Variants in KRT4 observed in about 807,000 individuals in gnomAD.
KRT4 encodes the protein keratin 4.
KRT4 carries 47 observed loss-of-function variants against 50.6 expected under a neutral mutation model. That is an observed-to-expected ratio of 0.93 (90% confidence interval 0.73 to 1.18). The LOEUF is 1.18. Among genes scored for constraint, KRT4 ranks in the 50% most tolerant of loss-of-function variants. The pLI, the probability that KRT4 is intolerant of heterozygous loss-of-function variation, is 0.00. For missense variants in KRT4, 651 were observed against 645.7 expected (o/e 1.01, Z -0.09); for synonymous variants, 254 against 251.2 (o/e 1.01, Z -0.10).
Position 52,807,187 on chromosome 12 carries a change from A to G in KRT4, c.1445T>C (p.Phe482Ser), listed in dbSNP as rs1344885483. ...GGAGCCAAAGCCACTACTCAGGCCA[A>G]ACCCGGAGCCACTTCCTAATCCTCC... Reference protein sequence around the residue: ...ISGGLGSGSGFGLSSGFGSGS... With the variant: ...ISGGLGSGSGSGLSSGFGSGS... The change falls in exon 9 of 9, where the codon TTT (phenylalanine) becomes TCT (serine). Residue 482 changes from phenylalanine (F) to serine (S), a missense_variant. Transcript: ENST00000551956. 6.2e-7 allele frequency: 1 copy of G among 1,614,026 alleles called. No individual in the cohort carries two copies. Among genetic ancestry groups the G allele is most frequent in the African/African-American group, 1.3e-5 (1 of 74,912 alleles).
intron 7 of KRT4, 121 bp from the exon 8 acceptor site, chr12:52,807,514 A>G: frequency 6.7e-7 from 1 of 1,483,258 alleles, no homozygotes; most frequent in African/African-American, 1.4e-5. Flanking sequence ...GTGTGAACCT[A>G]TTAGCTGAGC....
At chr12:52,810,871 T>C in intron 2 of KRT4, 55 bp from the exon 3 acceptor site, 2 of 1,403,810 alleles carry the variant, frequency 1.4e-6, no homozygotes, top group South Asian at 2.3e-5. Flanking sequence ...CTGGTGTTTC[T>C]CAGATCTCTG....
rs758553006 is a variant in KRT4, at chr12:52,813,997, A to G, written c.62T>C (p.Ile21Thr). The change falls in exon 1 of 9, where the codon ATT becomes ACT. Residue 21 changes from isoleucine to threonine, a missense_variant. Physicochemically the swap from Ile to Thr is moderately conservative, Grantham distance 89. Coordinates refer to ENST00000551956, the MANE Select transcript of KRT4 (RefSeq NM_002272.4). ...GGCACCTCTCTTGCCACCGCCTACA[A>G]TGGCCGAGCCACAGCTGAAGCCCCG... The part of the protein sequence containing the change: ...GPRGFSCGSA[I>T]VGGGKRGAFS... 7.4e-6 allele frequency: 12 copies of G among 1,613,882 alleles called. No homozygotes were observed. The highest frequency in any genetic ancestry group is 1.1e-5 in the South Asian group (1 of 91,068).
Position 52,810,747 on chromosome 12 carries a change from G to T in KRT4, c.738+9C>A. Reference sequence around the variant, plus strand: ...CTGAAGGCACTCCCTACCATCCTTCGTCTCTTACCTTCTTTAGGACCACAA... The same window carrying T: ...CTGAAGGCACTCCCTACCATCCTTCTTCTCTTACCTTCTTTAGGACCACAA... On this transcript the variant is annotated intron_variant, in intron 3 of 8. Transcript: ENST00000551956. The T allele has an allele frequency of 1.2e-6, 2 of 1,613,194 alleles. No homozygotes were observed.
In KRT4 at chr12:52,806,972, G is replaced by A. The variant is rs1216704639; in HGVS notation, c.*97C>T. On this transcript the variant is annotated 3_prime_UTR_variant, in exon 9 of 9. Coordinates refer to ENST00000551956, the MANE Select transcript of KRT4 (RefSeq NM_002272.4). ...AGTGGAGGGGATACTAGTAAGATGA[G>A]CCCCAGAGACAGAGGATGGAGGTGA... 3 of 1,178,594 alleles carry A rather than the reference G, an allele frequency of 2.5e-6. No homozygotes were observed. The East Asian group carries it at 7.1e-5, about 28-fold the overall frequency. 73.0% of individuals were successfully genotyped at this position (1,178,594 alleles called of 1,614,324 possible).
rs1455116837 is a variant in KRT4, at chr12:52,807,868, T to C, written c.1126-4A>G. 2.5e-6 allele frequency: 4 copies of C among 1,613,066 alleles called. No homozygotes were observed. In the Admixed American group the frequency reaches 6.7e-5, roughly 27 times the overall value. On this transcript the variant is annotated splice_region_variant and splice_polypyrimidine_tract_variant and intron_variant, in intron 6 of 8. Coordinates refer to ENST00000551956, the MANE Select transcript of KRT4 (RefSeq NM_002272.4). The stretch of plus-strand genomic sequence containing the variant: ...CGGATACCTGAAGAGTCTGGCACTA[T>C]TGACAAAGGCATTAGATAGGTGGTC...
rs1257401605 is a variant in KRT4 at position 52,806,831 on chromosome 12, T to C, written c.*238A>G. The C allele has an allele frequency of 6.8e-6, 4 of 589,844 alleles. No individual in the cohort carries two copies. The highest frequency in any genetic ancestry group is 5.6e-5 in the African/African-American group (3 of 53,994). The allele number at this position is 589,844 out of a possible 1,614,324, so 36.5% of individuals were successfully genotyped here. A position where few individuals can be genotyped will look rare whatever the true frequency, so the allele number is the denominator to read the frequency against. Reference sequence around the variant, plus strand: ...GGAGGTGAGAGGTCAGCTGACATCCTTCCCATTCCAGGTGGGTCACCAGGC... The same window carrying C: ...GGAGGTGAGAGGTCAGCTGACATCCCTCCCATTCCAGGTGGGTCACCAGGC... On this transcript the variant is annotated 3_prime_UTR_variant, in exon 9 of 9. Transcript: ENST00000551956.
At position 52,808,847 on chromosome 12, in the gene KRT4, G is replaced by C. The variant is rs761675127; in HGVS notation, c.838C>G (p.Leu280Val). The change falls in exon 5 of 9, where the codon CTG becomes GTG. Residue 280 changes from leucine (L) to valine (V), a missense_variant. Physicochemically the swap from Leu to Val is conservative, Grantham distance 32 (BLOSUM62 1). Coordinates refer to ENST00000551956, the MANE Select transcript of KRT4 (RefSeq NM_002272.4). ...NFLKVLYDAE[L>V]SQMQTHVSDT... Reference sequence around the variant, plus strand: ...CTGACATGGGTCTGCATCTGGGACAGCTCCTGCAGGGCAAATGTCTCACAT... The same window carrying C: ...CTGACATGGGTCTGCATCTGGGACACCTCCTGCAGGGCAAATGTCTCACAT... 1.9e-6 allele frequency: 3 copies of C among 1,614,104 alleles called. No homozygotes were observed. Among genetic ancestry groups the C allele is most frequent in the Non-Finnish European group, 2.5e-6 (3 of 1,179,924 alleles).
rs756556156 is a variant in KRT4 at position 52,808,338 on chromosome 12, T to A, written c.1081A>T (p.Met361Leu). Residue 361 changes from methionine (M) to leucine (L), a missense_variant, in exon 6 of 9, where the codon ATG becomes TTG. By Grantham distance (15) the Met-to-Leu change is conservative. Coordinates refer to ENST00000551956, the MANE Select transcript of KRT4 (RefSeq NM_002272.4). ...ATCTCTGCCCGCAGCCTCTGGATCA[T>A]CCTGTTGAGCTCTGCAATTTCACTC... ...TKSEIAELNR[M>L]IQRLRAEIEN... 1 of 1,614,102 alleles carries A rather than the reference T, an allele frequency of 6.2e-7. No individual in the cohort carries two copies. Among genetic ancestry groups the A allele is most frequent in the Non-Finnish European group, 8.5e-7 (1 of 1,180,018 alleles).
In KRT4 at chr12:52,807,669, T is replaced by C. The variant is rs1175646615; in HGVS notation, c.1321A>G (p.Lys441Glu). The part of the protein sequence containing the change: ...ALDIEIATYR[K>E]LLEGEEYRMS... Reference sequence around the variant, plus strand: ...CTGTACTCCTCGCCCTCCAGCAGTTTGCGGTAGGTGGCGATCTCGATGTCC... The same window carrying C: ...CTGTACTCCTCGCCCTCCAGCAGTTCGCGGTAGGTGGCGATCTCGATGTCC... The change falls in exon 7 of 9, where the codon AAA (lysine) becomes GAA (glutamate). Residue 441 changes from lysine to glutamate, a missense_variant. Physicochemically the swap from Lys to Glu is moderately conservative, Grantham distance 56. Transcript: ENST00000551956. 6.2e-7 allele frequency: 1 copy of C among 1,614,030 alleles called. No homozygotes were observed. Among genetic ancestry groups the C allele is most frequent in the South Asian group, 1.1e-5 (1 of 91,064 alleles).
rs750344195 is a variant in KRT4, at chr12:52,808,864, G to A, written c.835-14C>T. 6 of 1,613,890 alleles carry A rather than the reference G, an allele frequency of 3.7e-6. No homozygotes were observed. Among genetic ancestry groups the A allele is most frequent in the Middle Eastern group, 3.3e-4 (2 of 6,080 alleles). On this transcript the variant is annotated splice_polypyrimidine_tract_variant and intron_variant, in intron 4 of 8. Coordinates refer to ENST00000551956, the MANE Select transcript of KRT4 (RefSeq NM_002272.4). ...CTGGGACAGCTCCTGCAGGGCAAAT[G>A]TCTCACATCAGCCCCCCCAGGAAAG...
At chr12:52,812,538 C>G (rs1939930880) in intron 1 of KRT4, among the ~76,000 whole-genome samples, 1 of 152,160 alleles carries the variant, frequency 6.6e-6, no homozygotes, top group Non-Finnish European at 1.5e-5. Context: ...CTTTCCCTCT[C>G]TCTATGAAAA....
At position 52,807,195 on chromosome 12, in the gene KRT4, G is replaced by A. The variant is rs377486100; in HGVS notation, c.1437C>T (p.Gly479=). 4 of 1,614,060 alleles carry A rather than the reference G, an allele frequency of 2.5e-6. No homozygotes were observed. The highest frequency in any genetic ancestry group is 2.7e-5 in the African/African-American group (2 of 74,926). Residue 479 remains glycine, a synonymous_variant, in exon 9 of 9, where the codon GGC becomes GGT. Transcript: ENST00000551956. ...TGGISGGLGS[G]SGFGLSSGFG... is the part of the protein sequence containing the mutation. ...AGCCACTACTCAGGCCAAACCCGGA[G>A]CCACTTCCTAATCCTCCGCTGATGC...
At chr12:52,807,587 AG>A in intron 7 of KRT4, 56 bp downstream of exon 7, 1 of 1,584,566 alleles carries the variant, frequency 6.3e-7, no homozygotes. Context: ...GGCATAAATA[AG>A]CTCATGGCCC....
chr12:52,812,804 T>C (rs529216118), intron 1 of KRT4, among the ~76,000 whole-genome samples: 12 of 152,352 alleles, frequency 7.9e-5, no homozygotes, highest in African/African-American at 2.4e-4. Flanking sequence ...ATATGCACCT[T>C]ATTCTATTCC....
chr12:52,808,507 G>A, intron 5 of KRT4, 88 bp from the exon 6 acceptor site: 1 of 1,568,926 alleles, frequency 6.4e-7, no homozygotes, highest in Non-Finnish European at 8.8e-7. Flanking sequence ...AATTGCCACA[G>A]GTGGCAAGAA....
intron 7 of KRT4, 102 bp from the exon 8 acceptor site, chr12:52,807,495 G>C (rs1199777778): frequency 5.3e-6 from 8 of 1,520,430 alleles, no homozygotes; most frequent in Middle Eastern, 1.8e-4. Flanking sequence ...CTCTGAGTTT[G>C]AGGGCCCAGT....
chr12:52,808,805 G>A lies in KRT4; in HGVS notation c.880C>T (p.Leu294Phe). The change falls in exon 5 of 9, where the codon CTT (leucine) becomes TTT (phenylalanine). Residue 294 changes from leucine to phenylalanine, a missense_variant. Leu to Phe is a conservative substitution (Grantham distance 22, BLOSUM62 0). Coordinates refer to ENST00000551956, the MANE Select transcript of KRT4 (RefSeq NM_002272.4). ...QTHVSDTSVV[L>F]SMDNNRNLDL... ...AGGTTGCGGTTGTTGTCCATGGAAA[G>A]GACCACGGACGTGTCGCTGACATGG... 3 of 1,614,204 alleles carry A rather than the reference G, an allele frequency of 1.9e-6. No homozygotes were observed. Among genetic ancestry groups the A allele is most frequent in the Non-Finnish European group, 2.5e-6 (3 of 1,180,018 alleles).
At position 52,806,916 on chromosome 12, in the gene KRT4, A is replaced by G. The variant is rs1565682870; in HGVS notation, c.*153T>C. The G allele has an allele frequency of 2.5e-6, 2 of 812,578 alleles. No individual in the cohort carries two copies. Among genetic ancestry groups the G allele is most frequent in the African/African-American group, 1.7e-5 (1 of 59,058 alleles). The allele number at this position is 812,578 out of a possible 1,614,324, so 50.3% of individuals were successfully genotyped here. On this transcript the variant is annotated 3_prime_UTR_variant, in exon 9 of 9. Coordinates refer to ENST00000551956, the MANE Select transcript of KRT4 (RefSeq NM_002272.4). ...CAGAGTCCCTGTCCCAGCACAGAAG[A>G]TCATCCTGGGGCAGAGAGAGCCCAT...
Sources: gnomAD v4.1 joint callset for allele counts (sites outside exome capture counted in the v4.1 genomes callset) on GRCh38, gnomAD v4.1.1 for gene constraint, MANE v1.5 for transcripts, NCBI Gene and HGNC (gene_info 2026-07-23, HGNC 2026-07-21) for gene names.